FNDC3A: variants seen among roughly 807,000 people sequenced by gnomAD.
FNDC3A encodes the protein fibronectin type III domain containing 3A.
Under a neutral mutation model 148.9 loss-of-function variants are expected in FNDC3A, and 32 were observed. That is an observed-to-expected ratio of 0.21 (90% CI 0.16 to 0.29). The LOEUF is 0.29. Among genes scored for constraint, FNDC3A ranks in the 10% least tolerant of loss-of-function variants. The pLI is 1.00. For synonymous variants in FNDC3A, 472 were observed against 473.6 expected, an observed-to-expected ratio of 1.00 and a Z score of 0.04; for missense variants, 1,191 against 1,452.8, an observed-to-expected ratio of 0.82 and a Z score of 2.93.
At chr13:49,153,988 A>C (rs1302169493) in intron 8 of FNDC3A, among the ~76,000 whole-genome samples, 1 of 129,878 alleles carries the variant, frequency 7.7e-6, no homozygotes, top group Non-Finnish European at 1.6e-5. Flanking sequence ...CTTAGGATTG[A>C]CTTGGCGATG....
At chr13:49,117,776 T>C (rs1336950068) in intron 4 of FNDC3A, among the ~76,000 whole-genome samples, 5 of 152,194 alleles carry the variant, frequency 3.3e-5, no homozygotes, top group African/African-American at 4.8e-5. Flanking sequence ...CTACACCGTT[T>C]TATATCAGAG....
intron 2 of FNDC3A, among the ~76,000 whole-genome samples, chr13:49,031,297 G>A (rs376384441): frequency 3.3e-5 from 5 of 151,986 alleles, no homozygotes; most frequent in Non-Finnish European, 7.4e-5. Flanking sequence ...CAGGAGAATC[G>A]CTTGAACCCG....
chr13:49,020,009 A>G (rs1381231650), intron 2 of FNDC3A, among the ~76,000 whole-genome samples: 1 of 152,216 alleles, frequency 6.6e-6, no homozygotes, highest in East Asian at 1.9e-4. Context: ...TGAATACTTC[A>G]TCTTAAGTTT....
In FNDC3A at chr13:49,201,925, A is replaced by G. The variant is rs747543589; in HGVS notation, c.3113A>G (p.Tyr1038Cys). ...EAGEGPLSQE[Y>C]IFTTPKSVPA... Reference sequence around the variant, plus strand: ...GGGGAAGGTCCCCTCTCCCAAGAATATATTTTCACTACTCCAAAATCTGTC... The same window carrying G: ...GGGGAAGGTCCCCTCTCCCAAGAATGTATTTTCACTACTCCAAAATCTGTC... Residue 1038 changes from tyrosine (Y) to cysteine (C), a missense_variant, in exon 24 of 26, where the codon TAT becomes TGT. Transcript: ENST00000492622. The G allele has an allele frequency of 2.5e-6, 4 of 1,590,202 alleles. No homozygotes were observed. The highest frequency in any genetic ancestry group is 1.1e-5 in the South Asian group (1 of 87,244).
intron 8 of FNDC3A, chr13:49,146,801 G>A (rs1359227311): frequency 6.6e-6 from 1 of 152,096 alleles, no homozygotes; most frequent in African/African-American, 2.4e-5. Context: ...CTAAAGTTGT[G>A]ACATTTATGA....
At chr13:49,029,306 A>G (rs1230804587) in intron 2 of FNDC3A, among the ~76,000 whole-genome samples, 2 of 152,248 alleles carry the variant, frequency 1.3e-5, no homozygotes, top group East Asian at 1.9e-4. Flanking sequence ...ATTAAAGAGT[A>G]TATTTCTACA....
intron 2 of FNDC3A, among the ~76,000 whole-genome samples, chr13:49,009,270 T>C (rs1593464250): frequency 6.6e-6 from 1 of 152,226 alleles, no homozygotes; most frequent in South Asian, 2.1e-4. Flanking sequence ...ATGGTGTAGG[T>C]AATTTCTTTC....
chr13:49,138,994 A>G (rs1882541273), intron 7 of FNDC3A, among the ~76,000 whole-genome samples, 189 bp downstream of exon 7: 1 of 152,148 alleles, frequency 6.6e-6, no homozygotes, highest in Non-Finnish European at 1.5e-5. Flanking sequence ...GATTCTTTGA[A>G]GAGCTACATA....
At chr13:49,173,289 A>G (rs1026001675) in intron 11 of FNDC3A, among the ~76,000 whole-genome samples, 3 of 152,268 alleles carry the variant, frequency 2.0e-5, no homozygotes, top group Non-Finnish European at 4.4e-5. Context: ...AGCACAACCA[A>G]GTAGATTTTA....
intron 4 of FNDC3A, among the ~76,000 whole-genome samples, chr13:49,115,198 T>TAAAAAAAAAA (rs11450075): frequency 2.1e-5 from 3 of 140,344 alleles, no homozygotes; most frequent in Admixed American, 7.2e-5. Flanking sequence ...GGGGGGGAAA[T>TAAAAAAAAAA]AAAAAAAAAA....
At position 49,174,394 on chromosome 13, in the gene FNDC3A, A is replaced by T. The variant is rs1884919082; in HGVS notation, c.1231-41A>T. 3.9e-6 allele frequency: 6 copies of T among 1,525,862 alleles called. No homozygotes were observed. The South Asian group carries it at 7.1e-5, about 18-fold the overall frequency. 94.5% of individuals were successfully genotyped at this position (1,525,862 alleles called of 1,614,324 possible). On this transcript the variant is annotated intron_variant, in intron 11 of 25. Coordinates refer to ENST00000492622, the MANE Select transcript of FNDC3A (RefSeq NM_001079673.2). ...AATTGATGCGAATTTATCTTTTTACAGTAATGTACATGGTATATAATAATC... is the reference window on the plus strand; with the variant it reads ...AATTGATGCGAATTTATCTTTTTACTGTAATGTACATGGTATATAATAATC...
chr13:49,063,035 CTT>C (rs1877004149), intron 2 of FNDC3A, among the ~76,000 whole-genome samples: 1 of 152,114 alleles, frequency 6.6e-6, no homozygotes, highest in Non-Finnish European at 1.5e-5. Flanking sequence ...TTTTTCTCAA[CTT>C]TATATAGTGA....
intron 4 of FNDC3A, among the ~76,000 whole-genome samples, chr13:49,115,373 C>T (rs1880882469): frequency 6.6e-6 from 1 of 152,162 alleles, no homozygotes; most frequent in Non-Finnish European, 1.5e-5. Context: ...CACGCTTTGC[C>T]TCAATCTATT....
intron 25 of FNDC3A, among the ~76,000 whole-genome samples, chr13:49,205,943 A>G (rs1886624237): frequency 6.6e-6 from 1 of 152,230 alleles, no homozygotes; most frequent in African/African-American, 2.4e-5. Flanking sequence ...GTAAAAATTT[A>G]GATTTACATC....
At chr13:49,193,171 G>A (rs1022818816) in intron 19 of FNDC3A, among the ~76,000 whole-genome samples, 5 of 152,126 alleles carry the variant, frequency 3.3e-5, no homozygotes, top group African/African-American at 1.2e-4. Flanking sequence ...AATTATCTGT[G>A]TGACTGATAT....
chr13:49,048,834 C>T (rs1320277454), intron 2 of FNDC3A, among the ~76,000 whole-genome samples: 4 of 152,120 alleles, frequency 2.6e-5, no homozygotes, highest in Non-Finnish European at 2.9e-5. Flanking sequence ...ATTGCTCTGG[C>T]TAGGACTTCC....
At chr13:49,093,223 A>G (rs918562351) in intron 3 of FNDC3A, among the ~76,000 whole-genome samples, 7 of 152,160 alleles carry the variant, frequency 4.6e-5, no homozygotes, top group African/African-American at 2.4e-5. Flanking sequence ...TCCCCGTAGC[A>G]CTTACAACTG....
chr13:49,127,045 G>A (rs1881743042), intron 4 of FNDC3A, among the ~76,000 whole-genome samples: 1 of 152,112 alleles, frequency 6.6e-6, no homozygotes, highest in Non-Finnish European at 1.5e-5. Flanking sequence ...GCAGTTATGT[G>A]CTCTGCTTCT....
In FNDC3A at chr13:49,107,088, C is replaced by G. The variant is rs78473598; in HGVS notation, c.176-7567C>G. The stretch of plus-strand genomic sequence containing the variant: ...ATGGATGCAACAGTGTTGGTATGAT[C>G]TGTTTCTTGGCTTGGATGGTGGATT... On this transcript the variant is annotated intron_variant, in intron 3 of 25. Coordinates refer to ENST00000492622, the MANE Select transcript of FNDC3A (RefSeq NM_001079673.2). Among the ~76,000 whole-genome samples the G allele has an allele frequency of 7.6e-3, 1,164 of 152,300 alleles. 11 individuals carry two copies. Among genetic ancestry groups the G allele is most frequent in the African/African-American group, 0.017 (699 of 41,558 alleles).
Sources: allele counts gnomAD v4.1 joint callset (sites outside exome capture counted in the v4.1 genomes callset), GRCh38; gene constraint gnomAD v4.1.1; transcripts MANE v1.5; gene names NCBI Gene and HGNC (gene_info 2026-07-23, HGNC 2026-07-21).